The following DNAJC5B variants were observed in gnomAD, a reference collection of about 807,000 sequenced individuals.
The protein encoded by DNAJC5B is dnaJ homolog subfamily C member 5B.
A neutral mutation model predicts 24.7 loss-of-function variants in DNAJC5B; 23 were observed. That is an observed-to-expected ratio of 0.93 (90% CI 0.67 to 1.32). DNAJC5B has a LOEUF of 1.32. Among genes scored for constraint, DNAJC5B ranks in the 40% most tolerant of loss-of-function variants. The pLI, the probability that DNAJC5B is intolerant of heterozygous loss-of-function variation, is 0.00. For missense variants in DNAJC5B, 238 were observed against 240.8 expected (o/e 0.99, Z 0.08); for synonymous variants, 101 against 90.1 (o/e 1.12, Z -0.68).
At chr8:66,015,415 A>G in the DNAJC5B span, among the ~76,000 whole-genome samples, 18 of 151,388 alleles carry the variant, frequency 1.2e-4, no homozygotes, top group African/African-American at 4.4e-4. Context: ...TTTTTTTTCC[A>G]TTAGCTTAGC....
At chr8:66,053,704 A>C (rs990036000) in intron 3 of DNAJC5B, among the ~76,000 whole-genome samples, 1 of 149,890 alleles carries the variant, frequency 6.7e-6, no homozygotes, top group Non-Finnish European at 1.5e-5. Flanking sequence ...ATCTCGGCTC[A>C]CCGCAACCTC....
chr8:66,065,019 A>G (rs573793216), intron 3 of DNAJC5B, among the ~76,000 whole-genome samples: 2 of 152,232 alleles, frequency 1.3e-5, no homozygotes, highest in Non-Finnish European at 2.9e-5. Flanking sequence ...ATAATTCCTC[A>G]TAAAGTCAAG....
At chr8:66,034,651 G>A (rs534586159) in intron 1 of DNAJC5B, among the ~76,000 whole-genome samples, 264 of 151,772 alleles carry the variant, frequency 1.7e-3, no homozygotes, top group African/African-American at 5.9e-3. Context: ...CAAGGAAGGC[G>A]GTGCTGAAGG....
At chr8:66,043,121 G>T (rs1586074678) in intron 1 of DNAJC5B, among the ~76,000 whole-genome samples, 1 of 152,164 alleles carries the variant, frequency 6.6e-6, no homozygotes, top group Non-Finnish European at 1.5e-5. Flanking sequence ...AACTAGGCGA[G>T]GGTTAAATAT....
chr8:66,047,162 T>C (rs1806739283), intron 2 of DNAJC5B, among the ~76,000 whole-genome samples: 1 of 152,214 alleles, frequency 6.6e-6, no homozygotes, highest in Non-Finnish European at 1.5e-5. Flanking sequence ...AGCATGGAGT[T>C]AGATTAGTCG....
At chr8:66,046,422 G>T (rs1586077613) in intron 2 of DNAJC5B, among the ~76,000 whole-genome samples, 1 of 152,330 alleles carries the variant, frequency 6.6e-6, no homozygotes, top group East Asian at 1.9e-4. Context: ...GGCTGCTTCA[G>T]TTCAGTGTCA....
intron 3 of DNAJC5B, among the ~76,000 whole-genome samples, chr8:66,052,118 A>ATTTTTT (rs748199400): frequency 5.8e-4 from 79 of 136,328 alleles, no homozygotes; most frequent in African/African-American, 2.0e-3. Context: ...CACCCAGCTA[A>ATTTTTT]TTTTTTTTTT....
chr8:66,035,855 T>C (rs1806472182), intron 1 of DNAJC5B, among the ~76,000 whole-genome samples: 5 of 152,160 alleles, frequency 3.3e-5, no homozygotes, highest in Admixed American at 3.3e-4. Flanking sequence ...GACTTTTACC[T>C]TTCCCTGTCT....
chr8:66,052,868 G>A (rs936118281), intron 3 of DNAJC5B, among the ~76,000 whole-genome samples: 1 of 152,136 alleles, frequency 6.6e-6, no homozygotes, highest in South Asian at 2.1e-4. Flanking sequence ...TTCTGGACAG[G>A]AGAGCTGCTT....
At chr8:66,097,339 C>T (rs1807975715) in intron 5 of DNAJC5B, among the ~76,000 whole-genome samples, 1 of 151,438 alleles carries the variant, frequency 6.6e-6, no homozygotes, top group African/African-American at 2.4e-5. Flanking sequence ...CTTAATTTGT[C>T]AAAGTTTAAA....
upstream of DNAJC5B, among the ~76,000 whole-genome samples, chr8:66,018,706 G>A (rs1806026699): frequency 6.6e-6 from 1 of 150,376 alleles, no homozygotes; most frequent in African/African-American, 2.5e-5. Context: ...AGATTTGGAG[G>A]CAGTAAATGC....
intron 1 of DNAJC5B, among the ~76,000 whole-genome samples, chr8:66,038,000 T>C (rs1334710026): frequency 2.0e-5 from 3 of 152,248 alleles, no homozygotes; most frequent in Admixed American, 2.0e-4. Context: ...ACTGCCCTGC[T>C]TCCAAGACCA....
intron 4 of DNAJC5B, among the ~76,000 whole-genome samples, chr8:66,077,243 T>C (rs1807487755): frequency 6.6e-6 from 1 of 152,180 alleles, no homozygotes; most frequent in South Asian, 2.1e-4. Context: ...TTTCTATCTA[T>C]AGCATAGGCT....
chr8:66,015,049 T>A, the DNAJC5B span, among the ~76,000 whole-genome samples: 1 of 152,186 alleles, frequency 6.6e-6, no homozygotes, highest in Admixed American at 6.5e-5. Context: ...TGCTTTCCTG[T>A]GATTCTAACA....
the DNAJC5B span, among the ~76,000 whole-genome samples, chr8:66,015,953 GACTGT>G: frequency 2.0e-5 from 3 of 152,180 alleles, no homozygotes; most frequent in Non-Finnish European, 4.4e-5. Context: ...TGAGATTGGA[GACTGT>G]CTTGGTCCAT....
At chr8:66,049,418 A>G (rs1430068060) in intron 2 of DNAJC5B, among the ~76,000 whole-genome samples, 2 of 152,224 alleles carry the variant, frequency 1.3e-5, no homozygotes, top group Non-Finnish European at 2.9e-5. Context: ...ACCAATTTTT[A>G]TCTTTCACAC....
intron 1 of DNAJC5B, among the ~76,000 whole-genome samples, chr8:66,040,833 T>G (rs556973042): frequency 1.3e-5 from 2 of 152,384 alleles, no homozygotes; most frequent in African/African-American, 4.8e-5. Context: ...TTCTATGTTT[T>G]ATACATGTTT....
chr8:66,087,955 C>T (rs570164852), intron 5 of DNAJC5B, among the ~76,000 whole-genome samples: 1 of 152,346 alleles, frequency 6.6e-6, no homozygotes, highest in South Asian at 2.1e-4. Flanking sequence ...CTTCTTCTCA[C>T]AGCTCCACTA....
At chr8:66,097,654 G>A (rs1353068127) in intron 5 of DNAJC5B, among the ~76,000 whole-genome samples, 1 of 151,644 alleles carries the variant, frequency 6.6e-6, no homozygotes, top group Non-Finnish European at 1.5e-5. Flanking sequence ...TTTACTGACT[G>A]AAAATATCTT....
Sources: allele counts gnomAD v4.1 joint callset (sites outside exome capture counted in the v4.1 genomes callset), GRCh38; gene constraint gnomAD v4.1.1; transcripts MANE v1.5; gene names NCBI Gene and HGNC (gene_info 2026-07-23, HGNC 2026-07-21).